The following LRP1B variants were observed in gnomAD, a reference collection of about 807,000 sequenced individuals.
The protein encoded by LRP1B is low-density lipoprotein receptor-related protein 1B.
A neutral mutation model predicts 556.6 loss-of-function variants in LRP1B; 217 were observed. The ratio of observed to expected loss-of-function variants is 0.39; its 90% CI spans 0.35 to 0.44. The LOEUF (loss-of-function observed/expected upper bound fraction) is 0.44. Ranked by LOEUF, LRP1B falls within the 20% of genes least tolerant of loss-of-function variation. LRP1B has a pLI of 1.00. For synonymous variants in LRP1B, 2,047 were observed against 1,865.8 expected, an observed-to-expected ratio of 1.10 and a Z score of -2.50; for missense variants, 5,053 against 5,620.8, an observed-to-expected ratio of 0.90 and a Z score of 3.23.
At chr2:140,949,687 T>C (rs1180948743) in intron 20 of LRP1B, among the ~76,000 whole-genome samples, 5 of 151,840 alleles carry the variant, frequency 3.3e-5, no homozygotes, top group Non-Finnish European at 5.9e-5. Context: ...ACACCTGTAA[T>C]CCCAGCATGT....
At chr2:141,098,602 G>C (rs1700379819) in intron 7 of LRP1B, among the ~76,000 whole-genome samples, 2 of 152,150 alleles carry the variant, frequency 1.3e-5, no homozygotes, top group South Asian at 4.1e-4. Flanking sequence ...AGTGGTCTAT[G>C]ATGATTAAAG....
intron 37 of LRP1B, among the ~76,000 whole-genome samples, chr2:140,715,738 T>C (rs1482193791): frequency 6.6e-6 from 1 of 152,130 alleles, no homozygotes; most frequent in Non-Finnish European, 1.5e-5. Flanking sequence ...TCTGGAATCA[T>C]GTTGGTGCCT....
intron 20 of LRP1B, among the ~76,000 whole-genome samples, chr2:140,925,599 A>C (rs1694862132): frequency 6.6e-6 from 1 of 152,188 alleles, no homozygotes; most frequent in Non-Finnish European, 1.5e-5. Context: ...AATATTTAAT[A>C]AAGAATGGAA....
intron 86 of LRP1B, among the ~76,000 whole-genome samples, chr2:140,261,059 A>ATATATG (rs1558933032): frequency 6.8e-6 from 1 of 146,612 alleles, no homozygotes; most frequent in African/African-American, 2.5e-5. Context: ...ATGTGTGTGT[A>ATATATG]TATATATATA....
At chr2:140,669,270 A>G (rs1371199776) in intron 41 of LRP1B, among the ~76,000 whole-genome samples, 2 of 152,216 alleles carry the variant, frequency 1.3e-5, no homozygotes, top group East Asian at 1.9e-4. Context: ...CAATATTTTT[A>G]CAAACCAAAA....
intron 7 of LRP1B, among the ~76,000 whole-genome samples, chr2:141,185,388 T>G (rs754662183): frequency 1.2e-4 from 18 of 152,028 alleles, no homozygotes; most frequent in Non-Finnish European, 2.2e-4. Flanking sequence ...ATCTCTATGC[T>G]ACCTGCCAAC....
rs535209037 is a variant in LRP1B at position 141,089,343 on chromosome 2, G to A, written c.1014-27070C>T. ...CAGGCAAAATTTGTGTAATTGTTAG[G>A]ACCAATTCTGAATTTCCCAATGCCA... On this transcript the variant is annotated intron_variant, in intron 7 of 90. Transcript: ENST00000389484. Among the ~76,000 whole-genome samples, 4 of 152,112 alleles carry A rather than the reference G, an allele frequency of 2.6e-5. No homozygotes were observed. In the East Asian group the frequency reaches 7.7e-4, roughly 29 times the overall value.
intron 3 of LRP1B, among the ~76,000 whole-genome samples, chr2:141,342,243 C>CAA (rs759719074): frequency 1.9e-4 from 21 of 110,612 alleles, no homozygotes; most frequent in African/African-American, 6.8e-4. Flanking sequence ...GACTCCATCT[C>CAA]AAAAAAAAAA....
At chr2:140,820,202 A>G (rs779196588) in intron 31 of LRP1B, among the ~76,000 whole-genome samples, 2 of 151,640 alleles carry the variant, frequency 1.3e-5, no homozygotes, top group African/African-American at 4.8e-5. Flanking sequence ...CTAGTCTTGA[A>G]CTCCTGGCCT....
chr2:141,040,006 A>G (rs1698650407), intron 11 of LRP1B, among the ~76,000 whole-genome samples: 1 of 152,124 alleles, frequency 6.6e-6, no homozygotes, highest in Non-Finnish European at 1.5e-5. Flanking sequence ...AGGAGTCAGT[A>G]TGTGCAAACA....
At chr2:141,823,034 A>G (rs1696806605) in intron 1 of LRP1B, among the ~76,000 whole-genome samples, 1 of 152,192 alleles carries the variant, frequency 6.6e-6, no homozygotes, top group African/African-American at 2.4e-5. Context: ...CCTACCCAGC[A>G]GCAGTTTTCA....
At chr2:140,277,342 T>C (rs1472871171) in intron 84 of LRP1B, among the ~76,000 whole-genome samples, 1 of 151,946 alleles carries the variant, frequency 6.6e-6, no homozygotes, top group Non-Finnish European at 1.5e-5. Flanking sequence ...TTCCAGCACT[T>C]TGGGAGGCTG....
intron 2 of LRP1B, among the ~76,000 whole-genome samples, chr2:141,691,556 A>T (rs775700832): frequency 3.3e-5 from 5 of 149,510 alleles, no homozygotes; most frequent in Non-Finnish European, 7.4e-5. Flanking sequence ...GCCCTGAAGG[A>T]TCCCATACTT....
intron 2 of LRP1B, among the ~76,000 whole-genome samples, chr2:141,578,418 A>G (rs1686838877): frequency 6.6e-6 from 1 of 151,844 alleles, no homozygotes; most frequent in African/African-American, 2.4e-5. Flanking sequence ...AAAAGAAAAA[A>G]AGAAAAAAAA....
chr2:141,235,010 C>T (rs1168484864), intron 5 of LRP1B, among the ~76,000 whole-genome samples: 1 of 151,964 alleles, frequency 6.6e-6, no homozygotes, highest in East Asian at 1.9e-4. Context: ...CAAAAAAGCT[C>T]TTTACCAAAA....
At chr2:140,577,068 C>T (rs1436252423) in intron 43 of LRP1B, among the ~76,000 whole-genome samples, 1 of 152,040 alleles carries the variant, frequency 6.6e-6, no homozygotes, top group African/African-American at 2.4e-5. Context: ...AACATTACCA[C>T]ACAAATTCAG....
chr2:140,870,789 C>T (rs529829825), intron 25 of LRP1B, among the ~76,000 whole-genome samples: 89 of 151,762 alleles, frequency 5.9e-4, no homozygotes, highest in Admixed American at 3.1e-3. Context: ...GCTAAATTAC[C>T]TTGTAAAATG....
Position 140,569,171 on chromosome 2 carries a change from C to G in LRP1B, c.7195-27200G>C, listed in dbSNP as rs193045245. Among the ~76,000 whole-genome samples the G allele has an allele frequency of 1.8e-4, 27 of 151,850 alleles. No homozygotes were observed. In the East Asian group the frequency reaches 4.1e-3, roughly 23 times the overall value. On this transcript the variant is annotated intron_variant, in intron 43 of 90. Transcript: ENST00000389484. ...GAGGTGGATAAAGGAACAAACTACA[C>G]AAAACAATAAAACAATTTAAAAAAC... is the stretch of plus-strand genomic sequence containing the variant.
intron 4 of LRP1B, among the ~76,000 whole-genome samples, chr2:141,249,359 G>A (rs1343192113): frequency 6.6e-6 from 1 of 152,190 alleles, no homozygotes; most frequent in Non-Finnish European, 1.5e-5. Context: ...CACTTTGGTA[G>A]GCCAAGGCGG....
Sources: allele counts gnomAD v4.1 joint callset (sites outside exome capture counted in the v4.1 genomes callset), GRCh38; gene constraint gnomAD v4.1.1; transcripts MANE v1.5; gene names NCBI Gene and HGNC (gene_info 2026-07-23, HGNC 2026-07-21).